The following NDUFA10 variants were observed in gnomAD, a reference collection of about 807,000 sequenced individuals.
The protein encoded by NDUFA10 is NADH:ubiquinone oxidoreductase subunit A10, also known as NADH dehydrogenase [ubiquinone] 1 alpha subcomplex subunit 10, mitochondrial.
In NDUFA10, 40 loss-of-function variants were observed where a neutral mutation model predicts 47.8. That is an observed-to-expected ratio of 0.84 (90% CI 0.65 to 1.09). The LOEUF is 1.09. Among genes scored for constraint, NDUFA10 ranks in the 50% least tolerant of loss-of-function variants. NDUFA10 has a pLI of 0.00. For missense variants in NDUFA10, 413 were observed against 451.1 expected (o/e 0.92, Z 0.76); for synonymous variants, 183 against 172.2 (o/e 1.06, Z -0.49).
intron 4 of NDUFA10, among the ~76,000 whole-genome samples, chr2:239,930,789 AG>A (rs1694157373): frequency 6.6e-6 from 1 of 151,588 alleles, no homozygotes; most frequent in African/African-American, 2.4e-5. Context: ...GAGGAGGGGC[AG>A]GGTCCAGGAG....
intron 4 of NDUFA10, among the ~76,000 whole-genome samples, chr2:240,017,298 C>T (rs895658326): frequency 1.3e-5 from 2 of 152,202 alleles, no homozygotes; most frequent in African/African-American, 4.8e-5. Context: ...TCTCCCCCAG[C>T]ACCCAGCCCT....
At chr2:239,913,867 G>A (rs990466753) in intron 4 of NDUFA10, among the ~76,000 whole-genome samples, 2 of 152,214 alleles carry the variant, frequency 1.3e-5, no homozygotes, top group Non-Finnish European at 1.5e-5. Context: ...GCATCACCTC[G>A]GCGTGCAGGA....
intron 9 of NDUFA10, among the ~76,000 whole-genome samples, chr2:239,966,967 C>G (rs1247200958): frequency 1.3e-5 from 2 of 149,980 alleles, no homozygotes; most frequent in African/African-American, 2.5e-5. Context: ...GCTCCTGAGT[C>G]TGCTCCTAAC....
At chr2:239,922,716 T>G (rs1328973772) in intron 4 of NDUFA10, among the ~76,000 whole-genome samples, 2 of 152,192 alleles carry the variant, frequency 1.3e-5, no homozygotes, top group African/African-American at 4.8e-5. Context: ...GGACACCTGG[T>G]TTAAAATTGA....
At chr2:240,005,426 G>A in intron 7 of NDUFA10, 131 bp from the exon 8 acceptor site, 1 of 728,486 alleles carries the variant, frequency 1.4e-6, no homozygotes, top group East Asian at 2.8e-5. Context: ...ACAGCACACT[G>A]CAGCCTTGGC....
intron 4 of NDUFA10, among the ~76,000 whole-genome samples, chr2:239,951,117 C>CT (rs1210540242): frequency 6.6e-6 from 1 of 152,250 alleles, no homozygotes; most frequent in Non-Finnish European, 1.5e-5. Context: ...AGTCTCATCT[C>CT]TGAGTCTGGA....
chr2:239,944,864 G>A (rs1056984020), intron 4 of NDUFA10, among the ~76,000 whole-genome samples: 5 of 152,120 alleles, frequency 3.3e-5, no homozygotes, highest in African/African-American at 9.7e-5. Context: ...CCCAAAGCTC[G>A]GCCAACCCGC....
At chr2:239,930,801 G>C (rs191046378) in intron 4 of NDUFA10, among the ~76,000 whole-genome samples, 3 of 151,170 alleles carry the variant, frequency 2.0e-5, no homozygotes, top group African/African-American at 7.3e-5. Flanking sequence ...GGTCCAGGAG[G>C]GGTGTGGCAG....
chr2:239,905,510 C>T (rs1476381583), intron 4 of NDUFA10, among the ~76,000 whole-genome samples: 1 of 152,214 alleles, frequency 6.6e-6, no homozygotes, highest in East Asian at 1.9e-4. Flanking sequence ...CGTGTGAGGC[C>T]AACAGCACCT....
intron 4 of NDUFA10, 129 bp downstream of exon 4, chr2:240,018,424 G>C: frequency 1.3e-5 from 20 of 1,573,060 alleles, no homozygotes; most frequent in Non-Finnish European, 1.7e-5. Context: ...AGCGGAGACC[G>C]ATTAAGTAAT....
chr2:239,970,537 A>G (rs765232434), intron 9 of NDUFA10, among the ~76,000 whole-genome samples: 5 of 152,278 alleles, frequency 3.3e-5, no homozygotes, highest in Admixed American at 2.6e-4. Flanking sequence ...TCTTTAAAAG[A>G]TAACTTACTG....
chr2:240,005,248 G>C lies in NDUFA10; in HGVS notation c.852C>G (p.Leu284=). The C allele has an allele frequency of 1.9e-6, 3 of 1,614,072 alleles. No homozygotes were observed. Among genetic ancestry groups the C allele is most frequent in the Non-Finnish European group, 2.5e-6 (3 of 1,179,984 alleles). Residue 284 remains leucine, a synonymous_variant, in exon 8 of 10, where the codon CTC becomes CTG. Transcript: ENST00000252711. ...EYLKFDKGPW[L]KQDNRTLYHL... ...GGTATAAAGTGCGATTGTCCTGCTT[G>C]AGCCACGGCCCTTTATCGAACTTCA...
At chr2:239,962,675 C>T (rs553946609) in intron 9 of NDUFA10, among the ~76,000 whole-genome samples, 1 of 152,296 alleles carries the variant, frequency 6.6e-6, no homozygotes, top group East Asian at 1.9e-4. Context: ...GAAAAGAGGT[C>T]TAATTGGCTC....
At chr2:239,893,682 C>T (rs1255100600) in intron 5 of NDUFA10, among the ~76,000 whole-genome samples, 1 of 152,122 alleles carries the variant, frequency 6.6e-6, no homozygotes, top group Non-Finnish European at 1.5e-5. Flanking sequence ...TGATCACCTC[C>T]TAAAGGCCCC....
At chr2:239,898,840 T>C (rs1693451539) in intron 4 of NDUFA10, among the ~76,000 whole-genome samples, 2 of 152,206 alleles carry the variant, frequency 1.3e-5, no homozygotes, top group Non-Finnish European at 2.9e-5. Flanking sequence ...AGCAAGCATT[T>C]TTCTGAGCTT....
At chr2:240,008,290 C>T (rs1697020087) in intron 6 of NDUFA10, among the ~76,000 whole-genome samples, 2 of 152,236 alleles carry the variant, frequency 1.3e-5, no homozygotes, top group South Asian at 4.2e-4. Context: ...CACTGCACTC[C>T]TCACAGCACC....
At chr2:239,970,158 A>G (rs1695252256) in intron 9 of NDUFA10, among the ~76,000 whole-genome samples, 1 of 152,240 alleles carries the variant, frequency 6.6e-6, no homozygotes, top group Non-Finnish European at 1.5e-5. Flanking sequence ...ACCAAAGGGA[A>G]AAAAGGTTCA....
chr2:239,946,947 G>C (rs982404254), intron 4 of NDUFA10, among the ~76,000 whole-genome samples: 3 of 152,262 alleles, frequency 2.0e-5, no homozygotes, highest in African/African-American at 7.2e-5. Context: ...GCCTCACAGG[G>C]TTGGCGGAAG....
intron 4 of NDUFA10, among the ~76,000 whole-genome samples, chr2:239,933,824 C>T (rs113005303): frequency 1.1e-4 from 16 of 151,808 alleles, no homozygotes; most frequent in South Asian, 4.2e-4. Flanking sequence ...ATTCCATAAG[C>T]GGATTGGATC....
Sources: gnomAD v4.1 joint callset for allele counts (sites outside exome capture counted in the v4.1 genomes callset) on GRCh38, gnomAD v4.1.1 for gene constraint, MANE v1.5 for transcripts, NCBI Gene and HGNC (gene_info 2026-07-23, HGNC 2026-07-21) for gene names.